GRM5: variants seen among roughly 807,000 people sequenced by gnomAD.
GRM5 encodes the protein glutamate metabotropic receptor 5, also known as metabotropic glutamate receptor 5.
In GRM5, 19 loss-of-function variants were observed where a neutral mutation model predicts 83.1. The ratio of observed to expected loss-of-function variants is 0.23; its 90% CI spans 0.16 to 0.34. The LOEUF (loss-of-function observed/expected upper bound fraction) is 0.34, where lower values mean the gene tolerates loss of function less well. Ranked by LOEUF, GRM5 falls within the 10% of genes least tolerant of loss-of-function variation. The pLI is 1.00. For missense variants in GRM5, 1,160 were observed against 1,588.3 expected, an observed-to-expected ratio of 0.73 and a Z score of 4.58; for synonymous variants, 675 against 633.6, an observed-to-expected ratio of 1.07 and a Z score of -0.98.
intron 2 of GRM5, among the ~76,000 whole-genome samples, chr11:88,997,454 TA>T (rs2135061666): frequency 7.0e-6 from 1 of 142,700 alleles, no homozygotes; most frequent in Non-Finnish European, 1.5e-5. Flanking sequence ...ATAAATATAA[TA>T]ACAAAAATTA....
chr11:88,773,949 C>T (rs1318153229), intron 3 of GRM5, among the ~76,000 whole-genome samples: 2 of 151,974 alleles, frequency 1.3e-5, no homozygotes, highest in Admixed American at 1.3e-4. Flanking sequence ...TTTTTTGGTT[C>T]CATATGAACT....
At chr11:88,719,131 G>A (rs61904087) in intron 3 of GRM5, among the ~76,000 whole-genome samples, 22,276 of 151,418 alleles carry the variant, frequency 0.15, 1,805 homozygotes, top group Middle Eastern at 0.19. Context: ...AACTTGTGTC[G>A]TGGGGATTTG....
chr11:88,955,588 T>C (rs964394122), intron 2 of GRM5, among the ~76,000 whole-genome samples: 4 of 152,202 alleles, frequency 2.6e-5, no homozygotes, highest in Admixed American at 6.5e-5. Context: ...TTTTTTTCTA[T>C]CTAATTTCTT....
At chr11:89,008,386 C>A (rs1189680861) in intron 2 of GRM5, among the ~76,000 whole-genome samples, 3 of 152,098 alleles carry the variant, frequency 2.0e-5, no homozygotes, top group Admixed American at 2.0e-4. Context: ...GGTGTTATTT[C>A]TCTCCATTAT....
chr11:88,983,992 ATAAT>A (rs1939609147), intron 2 of GRM5, among the ~76,000 whole-genome samples: 1 of 152,212 alleles, frequency 6.6e-6, no homozygotes, highest in East Asian at 1.9e-4. Context: ...TATAAAGAAA[ATAAT>A]TGTGCACAGC....
At chr11:88,871,910 A>T (rs527283365) in intron 2 of GRM5, among the ~76,000 whole-genome samples, 7 of 151,014 alleles carry the variant, frequency 4.6e-5, no homozygotes, top group South Asian at 2.1e-4. Flanking sequence ...TAAACAGATG[A>T]AAAAAAAAGT....
intron 2 of GRM5, among the ~76,000 whole-genome samples, chr11:88,981,618 T>G (rs1490381074): frequency 6.6e-6 from 1 of 151,772 alleles, no homozygotes; most frequent in Non-Finnish European, 1.5e-5. Flanking sequence ...AAAAAATTAT[T>G]TCTCTACCCC....
chr11:89,019,394 A>C (rs1160563520), intron 2 of GRM5, among the ~76,000 whole-genome samples: 18 of 152,036 alleles, frequency 1.2e-4, no homozygotes, highest in Admixed American at 1.2e-3. Flanking sequence ...AAAATGTCAT[A>C]TCAAGAACAA....
At chr11:89,034,327 C>T (rs1272414002) in intron 2 of GRM5, among the ~76,000 whole-genome samples, 5 of 151,978 alleles carry the variant, frequency 3.3e-5, no homozygotes, top group African/African-American at 9.6e-5. Context: ...ACACCATCTA[C>T]GGTGCTCTAA....
At chr11:88,598,130 C>T (rs1284527819) in intron 5 of GRM5, among the ~76,000 whole-genome samples, 5 of 152,102 alleles carry the variant, frequency 3.3e-5, no homozygotes, top group Admixed American at 3.3e-4. Flanking sequence ...TCAGTTTCTA[C>T]AGGTATGTCT....
At chr11:88,772,513 A>G (rs1017713016) in intron 3 of GRM5, among the ~76,000 whole-genome samples, 1 of 151,860 alleles carries the variant, frequency 6.6e-6, no homozygotes, top group African/African-American at 2.4e-5. Flanking sequence ...GGTTTGACAC[A>G]TAGGTATACA....
intron 1 of GRM5, among the ~76,000 whole-genome samples, chr11:89,062,164 G>C (rs180840350): frequency 0.04 from 6,131 of 152,254 alleles, 419 homozygotes; most frequent in African/African-American, 0.14. Context: ...ATAAAGGACA[G>C]AAATAGCCAC....
At chr11:88,746,772 G>A (rs1942154373) in intron 3 of GRM5, among the ~76,000 whole-genome samples, 1 of 152,048 alleles carries the variant, frequency 6.6e-6, no homozygotes, top group African/African-American at 2.4e-5. Context: ...AAAGATGGTT[G>A]TAATCAGAAA....
intron 2 of GRM5, among the ~76,000 whole-genome samples, chr11:88,877,986 C>G (rs7125789): frequency 0.031 from 4,708 of 151,702 alleles, 246 homozygotes; most frequent in African/African-American, 0.11. Context: ...GCTCATGTAC[C>G]CTAAAACTTA....
intron 3 of GRM5, among the ~76,000 whole-genome samples, chr11:88,843,273 A>T (rs2135532579): frequency 6.6e-6 from 1 of 152,200 alleles, no homozygotes; most frequent in East Asian, 1.9e-4. Context: ...TTTTTCGCTT[A>T]TATTATTATT....
chr11:88,777,955 A>G (rs956170815), intron 3 of GRM5, among the ~76,000 whole-genome samples: 1 of 152,048 alleles, frequency 6.6e-6, no homozygotes, highest in South Asian at 2.1e-4. Context: ...TCAGAGCTCA[A>G]ATGCCATGCT....
Position 88,928,501 on chromosome 11 carries a change from T to C in GRM5, c.662-78346A>G, listed in dbSNP as rs935369053. The stretch of plus-strand genomic sequence containing the variant: ...ATATATATGTATATATGTATATATA[T>C]ATATGTACTATTAATTCATAATGAG... On this transcript the variant is annotated intron_variant, in intron 2 of 9. Coordinates refer to ENST00000305447, the MANE Select transcript of GRM5 (RefSeq NM_001143831.3). Among the ~76,000 whole-genome samples the C allele has an allele frequency of 3.3e-5, 5 of 150,748 alleles. 1 individual carries two copies. Among genetic ancestry groups the C allele is most frequent in the Admixed American group, 2.7e-4 (4 of 15,066 alleles).
At chr11:88,794,936 G>A (rs1193550268) in intron 3 of GRM5, among the ~76,000 whole-genome samples, 1 of 152,202 alleles carries the variant, frequency 6.6e-6, no homozygotes, top group Non-Finnish European at 1.5e-5. Flanking sequence ...AGAGATCTCT[G>A]ATATGGTGTG....
intron 3 of GRM5, among the ~76,000 whole-genome samples, chr11:88,658,877 A>G (rs542707816): frequency 6.6e-6 from 1 of 152,320 alleles, no homozygotes; most frequent in East Asian, 1.9e-4. Context: ...GTGCCATCCT[A>G]AAGATTTCCA....
Sources: gnomAD v4.1 joint callset for allele counts (sites outside exome capture counted in the v4.1 genomes callset) on GRCh38, gnomAD v4.1.1 for gene constraint, MANE v1.5 for transcripts, NCBI Gene and HGNC (gene_info 2026-07-23, HGNC 2026-07-21) for gene names.